The following CYP4F2 variants were observed in gnomAD, a reference collection of about 807,000 sequenced individuals.
The protein encoded by CYP4F2 is cytochrome P450 family 4 subfamily F member 2.
CYP4F2 carries 58 observed loss-of-function variants against 58.9 expected under a neutral mutation model. The ratio of observed to expected loss-of-function variants is 0.98; its 90% CI spans 0.80 to 1.23. The LOEUF (loss-of-function observed/expected upper bound fraction) is 1.23, where lower values mean the gene tolerates loss of function less well. CYP4F2 is among the 50% of genes most tolerant of loss of function. The probability of loss-of-function intolerance (pLI) is 0.00; values close to 1 mark genes in which losing one functional copy is unlikely to be tolerated. For missense variants in CYP4F2, 616 were observed against 685.6 expected, an observed-to-expected ratio of 0.90 and a Z score of 1.13; for synonymous variants, 287 against 261.1, an observed-to-expected ratio of 1.10 and a Z score of -0.95.
At chr19:15,883,722 C>G (rs2089358637) in intron 9 of CYP4F2, among the ~76,000 whole-genome samples, 2 of 152,086 alleles carry the variant, frequency 1.3e-5, no homozygotes, top group African/African-American at 4.8e-5. Context: ...TTCAAAACAG[C>G]CAAAATATGG....
intron 2 of CYP4F2, 35 bp from the exon 3 acceptor site, chr19:15,895,685 T>C (rs758806795): frequency 3.5e-5 from 55 of 1,577,570 alleles, no homozygotes; most frequent in Non-Finnish European, 4.6e-5. Flanking sequence ...CCTTCTGTGA[T>C]AGTTAATTCT....
intron 3 of CYP4F2, chr19:15,893,994 C>T (rs2089433121): frequency 9.1e-6 from 2 of 219,726 alleles, no homozygotes; most frequent in South Asian, 1.7e-4. Flanking sequence ...GCATCTCATC[C>T]TCCTGTCAGT....
chr19:15,896,233 G>GCTATCTATCTATCTAT (rs10638260), intron 2 of CYP4F2, among the ~76,000 whole-genome samples: 11 of 148,266 alleles, frequency 7.4e-5, no homozygotes, highest in African/African-American at 1.5e-4. Context: ...TATCCTATTA[G>GCTATCTATCTATCTAT]CTATCTATCT....
At position 15,895,550 on chromosome 19, in the gene CYP4F2, C is replaced by A. The variant is rs750569610; in HGVS notation, c.299G>T (p.Ser100Ile). 39 of 1,550,074 alleles carry A rather than the reference C, an allele frequency of 2.5e-5. No individual in the cohort carries two copies. The South Asian group carries it at 4.5e-4, about 18-fold the overall frequency. Reference protein sequence around the residue: ...VWMGPISPLLSLCHPDIIRSV... With the variant: ...VWMGPISPLLILCHPDIIRSV... The stretch of plus-strand genomic sequence containing the variant: ...CCGGATGATGTCGGGGTGGCACAAA[C>A]TGAGGAGGGGGGAGATGGGTCCCAT... Residue 100 changes from serine (S) to isoleucine (I), a missense_variant, in exon 3 of 13, where the codon AGT (serine) becomes ATT (isoleucine). Ser to Ile is a moderately radical substitution (Grantham distance 142). Transcript: ENST00000221700.
At chr19:15,891,464 T>TA (rs139717116) in intron 5 of CYP4F2, among the ~76,000 whole-genome samples, 7,370 of 150,206 alleles carry the variant, frequency 0.049, 190 homozygotes, top group Non-Finnish European at 0.06. Flanking sequence ...ATTTGCAAGT[T>TA]AAAAAAAAAA....
At chr19:15,880,049 G>T in intron 9 of CYP4F2, 152 bp from the exon 10 acceptor site, 1 of 1,525,318 alleles carries the variant, frequency 6.6e-7, no homozygotes, top group Non-Finnish European at 8.8e-7. Flanking sequence ...AAATAGTGTG[G>T]CACTGTGGCA....
At position 15,886,069 on chromosome 19, in the gene CYP4F2, G is replaced by A; in HGVS notation, c.986-16C>T. 6.2e-7 allele frequency: 1 copy of A among 1,612,146 alleles called. No homozygotes were observed. Among genetic ancestry groups the A allele is most frequent in the East Asian group, 2.2e-5 (1 of 44,822 alleles). On this transcript the variant is annotated splice_polypyrimidine_tract_variant and intron_variant, in intron 8 of 12. Transcript: ENST00000221700. ...GTGTCATGGCCTGGGGGGCAGCAAG[G>A]CAGGCTTGGGTCTCTGGGCTGCTTC...
intron 6 of CYP4F2, among the ~76,000 whole-genome samples, chr19:15,890,090 A>G (rs1372789415): frequency 6.6e-6 from 1 of 152,224 alleles, no homozygotes; most frequent in East Asian, 1.9e-4. Flanking sequence ...TTAGTGCTAC[A>G]TTAGTCAGTC....
At chr19:15,879,703 T>G in intron 10 of CYP4F2, 35 bp from the exon 11 acceptor site, 3 of 1,613,942 alleles carry the variant, frequency 1.9e-6, no homozygotes, top group Non-Finnish European at 2.5e-6. Flanking sequence ...GGAGAAGGCC[T>G]CCTTCACTGA....
Position 15,879,668 on chromosome 19 carries a change from C to A in CYP4F2, c.1250G>T (p.Gly417Val), listed in dbSNP as rs780094643. The A allele has an allele frequency of 1.4e-5, 23 of 1,614,042 alleles. No individual in the cohort carries two copies. The highest frequency in any genetic ancestry group is 1.6e-4 in the Middle Eastern group (1 of 6,084). ...GAAAACACTGATGAGGCAGATAATG[C>A]CTGTGGGAGAGAAGGGAGCAGTCAG... is the stretch of plus-strand genomic sequence containing the variant. ...VLPDGRVIPKGIICLISVFGT... is the reference protein window; with the variant it reads ...VLPDGRVIPKVIICLISVFGT... Residue 417 changes from glycine to valine, a missense_variant and splice_region_variant, in exon 11 of 13, where the codon GGC becomes GTC. Transcript: ENST00000221700.
chr19:15,885,879 C>A (rs1390605875), intron 9 of CYP4F2, 45 bp downstream of exon 9: 1 of 1,592,456 alleles, frequency 6.3e-7, no homozygotes, highest in Non-Finnish European at 8.6e-7. Context: ...GGGAGCAGAG[C>A]CAATGAGAAG....
chr19:15,884,062 G>A (rs2089360764), intron 9 of CYP4F2, among the ~76,000 whole-genome samples: 1 of 151,190 alleles, frequency 6.6e-6, no homozygotes, highest in South Asian at 2.1e-4. Flanking sequence ...CTGTCTCAAA[G>A]AAAGAAAGAA....
chr19:15,890,686 A>G (rs1035956648), intron 5 of CYP4F2, among the ~76,000 whole-genome samples: 1 of 152,118 alleles, frequency 6.6e-6, no homozygotes, highest in African/African-American at 2.4e-5. Flanking sequence ...CCATTAGTCA[A>G]CTCATTACCC....
At chr19:15,882,203 C>T (rs2145001874) in intron 9 of CYP4F2, among the ~76,000 whole-genome samples, 1 of 151,720 alleles carries the variant, frequency 6.6e-6, no homozygotes. Context: ...TGAGATCGTG[C>T]CACTGCACTC....
chr19:15,892,848 T>C (rs2089425181), intron 3 of CYP4F2, among the ~76,000 whole-genome samples: 1 of 152,138 alleles, frequency 6.6e-6, no homozygotes, highest in Non-Finnish European at 1.5e-5. Flanking sequence ...ACATGCCTCC[T>C]ACACGATCCA....
intron 8 of CYP4F2, 34 bp downstream of exon 8, chr19:15,886,208 G>A (rs1286143669): frequency 9.3e-6 from 15 of 1,613,536 alleles, no homozygotes; most frequent in Admixed American, 3.3e-5. Flanking sequence ...GAGAGATCCC[G>A]GTCCCCTCTC....
Position 15,895,500 on chromosome 19 carries a change from T to C in CYP4F2, c.343+6A>G, listed in dbSNP as rs769154455. On this transcript the variant is annotated splice_donor_region_variant and intron_variant, in intron 3 of 12. Coordinates refer to ENST00000221700, the MANE Select transcript of CYP4F2 (RefSeq NM_001082.5). ...GCACTGCCCCACCAGCTGTTCCAGA[T>C]GGTACCTGAGGCGTTGATGACAGAC... The C allele has an allele frequency of 3.3e-6, 5 of 1,502,056 alleles. No individual in the cohort carries two copies. In the East Asian group the frequency reaches 7.9e-5, roughly 24 times the overall value. 93.0% of individuals were successfully genotyped at this position (1,502,056 alleles called of 1,614,324 possible).
intron 3 of CYP4F2, among the ~76,000 whole-genome samples, chr19:15,893,207 C>A (rs2089427271): frequency 6.6e-6 from 1 of 152,086 alleles, no homozygotes; most frequent in Admixed American, 6.5e-5. Context: ...CAGGCATGAC[C>A]CAAATATACT....
chr19:15,887,092 T>C (rs549879396), intron 7 of CYP4F2, among the ~76,000 whole-genome samples: 1 of 152,238 alleles, frequency 6.6e-6, no homozygotes, highest in East Asian at 1.9e-4. Flanking sequence ...GACAAAGACA[T>C]AGACACAGAC....
Sources: allele counts gnomAD v4.1 joint callset (sites outside exome capture counted in the v4.1 genomes callset), GRCh38; gene constraint gnomAD v4.1.1; transcripts MANE v1.5; gene names NCBI Gene and HGNC (gene_info 2026-07-23, HGNC 2026-07-21).